TMC1: variants seen among roughly 807,000 people sequenced by gnomAD.
TMC1 encodes the protein transmembrane channel like 1.
In TMC1, 84 loss-of-function variants were observed where a neutral mutation model predicts 105.8. That is an observed-to-expected ratio of 0.79 (90% CI 0.67 to 0.95). The LOEUF is 0.95. TMC1 is among the 40% of genes least tolerant of loss of function. The pLI, the probability that TMC1 is intolerant of heterozygous loss-of-function variation, is 0.00. For missense variants in TMC1, 817 were observed against 914.1 expected (o/e 0.89, Z 1.37); for synonymous variants, 315 against 311.5 (o/e 1.01, Z -0.12).
intron 13 of TMC1, among the ~76,000 whole-genome samples, chr9:72,785,555 A>G (rs1828156307): frequency 6.6e-6 from 1 of 152,196 alleles, no homozygotes; most frequent in Admixed American, 6.5e-5. Context: ...CTGCTCTTGC[A>G]CTTTGAGAGT....
At chr9:72,827,955 A>C (rs879279032) in intron 21 of TMC1, among the ~76,000 whole-genome samples, 3 of 152,236 alleles carry the variant, frequency 2.0e-5, no homozygotes, top group Non-Finnish European at 2.9e-5. Flanking sequence ...CACAAGCCAC[A>C]TAAAGTAGTG....
intron 8 of TMC1, among the ~76,000 whole-genome samples, chr9:72,734,805 T>A (rs1827272516): frequency 1.3e-5 from 2 of 152,160 alleles, no homozygotes; most frequent in South Asian, 4.1e-4. Context: ...AGCAATAAAT[T>A]TGTTGCTCAA....
At chr9:72,561,648 A>G (rs911592783) in intron 1 of TMC1, among the ~76,000 whole-genome samples, 4 of 152,218 alleles carry the variant, frequency 2.6e-5, no homozygotes, top group African/African-American at 9.6e-5. Flanking sequence ...GTCCCATCTT[A>G]GAGCAAGTTG....
At chr9:72,572,500 A>G (rs1824306357) in intron 1 of TMC1, among the ~76,000 whole-genome samples, 1 of 152,172 alleles carries the variant, frequency 6.6e-6, no homozygotes, top group Non-Finnish European at 1.5e-5. Flanking sequence ...TATGGGCAGT[A>G]TCCTTGAACA....
chr9:72,549,072 CAATA>C (rs1823817404), intron 1 of TMC1, among the ~76,000 whole-genome samples: 2 of 152,122 alleles, frequency 1.3e-5, no homozygotes, highest in African/African-American at 4.8e-5. Context: ...TTATAAGAAA[CAATA>C]AATCTTCAGA....
At chr9:72,589,652 A>G (rs1418216909) in intron 2 of TMC1, among the ~76,000 whole-genome samples, 1 of 152,196 alleles carries the variant, frequency 6.6e-6, no homozygotes, top group Admixed American at 6.5e-5. Context: ...GAGGAATAGC[A>G]TAAATGGGCC....
chr9:72,802,969 C>T (rs558805851), intron 17 of TMC1, among the ~76,000 whole-genome samples: 2 of 152,080 alleles, frequency 1.3e-5, no homozygotes, highest in African/African-American at 2.4e-5. Context: ...GTCACACTAC[C>T]TGACTTCAAA....
chr9:72,688,522 TG>T (rs1239822478), intron 5 of TMC1, among the ~76,000 whole-genome samples, 186 bp from the exon 6 acceptor site: 1 of 152,176 alleles, frequency 6.6e-6, no homozygotes, highest in African/African-American at 2.4e-5. Context: ...GAAAAATCTT[TG>T]CATGGCATTG....
intron 2 of TMC1, among the ~76,000 whole-genome samples, chr9:72,609,921 C>A (rs1477275415): frequency 1.3e-5 from 2 of 152,086 alleles, no homozygotes; most frequent in Non-Finnish European, 2.9e-5. Context: ...GCTCTGCTAC[C>A]AATCCCACCT....
intron 4 of TMC1, among the ~76,000 whole-genome samples, chr9:72,631,942 C>G (rs376594911): frequency 6.6e-6 from 1 of 152,132 alleles, no homozygotes; most frequent in Non-Finnish European, 1.5e-5. Flanking sequence ...GAATAGTGAA[C>G]GGTGGCAAGG....
At chr9:72,587,990 T>G (rs552268444) in intron 2 of TMC1, among the ~76,000 whole-genome samples, 1 of 152,120 alleles carries the variant, frequency 6.6e-6, no homozygotes, top group East Asian at 1.9e-4. Context: ...GGTGTCACCA[T>G]GTTGGCCAGG....
intron 20 of TMC1, among the ~76,000 whole-genome samples, chr9:72,825,143 A>G (rs1272239639): frequency 6.6e-6 from 1 of 152,212 alleles, no homozygotes; most frequent in Non-Finnish European, 1.5e-5. Flanking sequence ...CAATAATTTG[A>G]ATGAATGAAT....
At chr9:72,565,642 G>A (rs1276389433) in intron 1 of TMC1, among the ~76,000 whole-genome samples, 1 of 152,060 alleles carries the variant, frequency 6.6e-6, no homozygotes, top group Non-Finnish European at 1.5e-5. Flanking sequence ...AGAAATGCCC[G>A]AGACGGTAAT....
chr9:72,643,377 C>T (rs956646563), intron 4 of TMC1, among the ~76,000 whole-genome samples: 8 of 152,200 alleles, frequency 5.3e-5, no homozygotes, highest in Admixed American at 3.9e-4. Flanking sequence ...TACACATACT[C>T]ATTTACAACT....
intron 1 of TMC1, among the ~76,000 whole-genome samples, chr9:72,527,615 G>T (rs868739333): frequency 6.6e-6 from 1 of 152,134 alleles, no homozygotes; most frequent in Non-Finnish European, 1.5e-5. Context: ...GGTTGCCAGC[G>T]CTACTTTGCA....
rs1024556946 is a variant in TMC1 at position 72,699,397 on chromosome 9, A to G, written c.237-1121A>G. On this transcript the variant is annotated intron_variant, in intron 7 of 23. Coordinates refer to ENST00000297784, the MANE Select transcript of TMC1 (RefSeq NM_138691.3). ...TTTAATTAACAGATAACATTAAGTT[A>G]CCTTTGAGAAATAGATTTTTATTTT... is the stretch of plus-strand genomic sequence containing the variant. 8.5e-5 allele frequency among the ~76,000 whole-genome samples: 13 copies of G among 152,286 alleles called. 1 individual carries two copies. The East Asian group carries it at 2.5e-3, about 29-fold the overall frequency.
chr9:72,623,639 G>A (rs1303874821), intron 3 of TMC1, among the ~76,000 whole-genome samples: 5 of 151,912 alleles, frequency 3.3e-5, no homozygotes, highest in African/African-American at 9.7e-5. Flanking sequence ...TTAGTTCCTC[G>A]ACCCATGCAT....
chr9:72,757,975 TA>T (rs1827698822), intron 12 of TMC1, among the ~76,000 whole-genome samples: 1 of 152,106 alleles, frequency 6.6e-6, no homozygotes, highest in African/African-American at 2.4e-5. Flanking sequence ...CATAAGTAAA[TA>T]AAAGTATTCT....
At chr9:72,741,168 T>C in intron 9 of TMC1, 1 of 166,524 alleles carries the variant, frequency 6.0e-6, no homozygotes. Context: ...GTCTTCTGGT[T>C]TGTTGAAACA....
Sources: allele counts gnomAD v4.1 joint callset (sites outside exome capture counted in the v4.1 genomes callset), GRCh38; gene constraint gnomAD v4.1.1; transcripts MANE v1.5; gene names NCBI Gene and HGNC (gene_info 2026-07-23, HGNC 2026-07-21).